The following GPR161 variants were observed in gnomAD, a reference collection of about 807,000 sequenced individuals.
GPR161 encodes G-protein coupled receptor RE2.
In GPR161, 25 loss-of-function variants were observed where a neutral mutation model predicts 39.2. The ratio of observed to expected loss-of-function variants is 0.64; its 90% CI spans 0.47 to 0.89. The LOEUF is 0.89. Among genes scored for constraint, GPR161 ranks in the 40% least tolerant of loss-of-function variants. GPR161 has a pLI of 0.00. For missense variants in GPR161, 547 were observed against 677.8 expected, an observed-to-expected ratio of 0.81 and a Z score of 2.14; for synonymous variants, 286 against 276.6, an observed-to-expected ratio of 1.03 and a Z score of -0.34.
chr1:168,108,376 C>A (rs571007914), intron 1 of GPR161, among the ~76,000 whole-genome samples: 1 of 151,198 alleles, frequency 6.6e-6, no homozygotes, highest in Non-Finnish European at 1.5e-5. Context: ...CAAACCATTG[C>A]ACACCCTTGG....
chr1:168,099,475 C>T (rs948975931), intron 2 of GPR161, among the ~76,000 whole-genome samples: 5 of 152,118 alleles, frequency 3.3e-5, no homozygotes, highest in African/African-American at 7.2e-5. Flanking sequence ...CTCCTTCCAC[C>T]GACTCTGTTT....
intron 1 of GPR161, among the ~76,000 whole-genome samples, chr1:168,111,004 A>C (rs1202726222): frequency 6.6e-6 from 1 of 152,228 alleles, no homozygotes; most frequent in Non-Finnish European, 1.5e-5. Flanking sequence ...GATTTAGCTA[A>C]AAAGAAAGAT....
chr1:168,096,968 G>A lies in GPR161; in HGVS notation c.639C>T (p.Arg213=), dbSNP rs759899756. ...CCTTGCGTGCCTTGACCCTGGCCAC[G>A]CGGAAGATGAAGCCATAGCACACCA... ...VMLVCYGFIF[R]VARVKARKVH... Residue 213 remains arginine, a synonymous_variant, in exon 3 of 6, where the codon CGC becomes CGT. Transcript: ENST00000682931. The A allele has an allele frequency of 6.2e-6, 10 of 1,614,132 alleles. No individual in the cohort carries two copies. The highest frequency in any genetic ancestry group is 1.7e-5 in the Admixed American group (1 of 60,020).
Position 168,136,864 on chromosome 1 carries a change from G to A in GPR161, c.-170C>T, listed in dbSNP as rs939575851. On this transcript the variant is annotated 5_prime_UTR_variant, in exon 1 of 6. Transcript: ENST00000682931. The stretch of plus-strand genomic sequence containing the variant: ...TGGAGGTTTCGGGTTTCAGCCCACC[G>A]AGCCCCGCTTCGCTCCTCCCGCGGG... 1.3e-5 allele frequency: 13 copies of A among 981,284 alleles called. No individual in the cohort carries two copies. The highest frequency in any genetic ancestry group is 1.8e-5 in the African/African-American group (1 of 56,480). The allele number at this position is 981,284 out of a possible 1,614,324, so 60.8% of individuals were successfully genotyped here. A position where few individuals can be genotyped will look rare whatever the true frequency, so the allele number is the denominator to read the frequency against.
chr1:168,119,286 A>ATG (rs1318018760), intron 1 of GPR161, among the ~76,000 whole-genome samples: 6 of 140,770 alleles, frequency 4.3e-5, no homozygotes, highest in African/African-American at 1.7e-4. Context: ...ATATATATAT[A>ATG]TACACATATA....
At chr1:168,134,928 C>A in intron 1 of GPR161, 1 of 1,535,686 alleles carries the variant, frequency 6.5e-7, no homozygotes, top group South Asian at 1.2e-5. Flanking sequence ...ACATTTAGGT[C>A]AGTTCCAGTT....
chr1:168,099,476 G>A (rs1291296147), intron 2 of GPR161, among the ~76,000 whole-genome samples: 2 of 152,176 alleles, frequency 1.3e-5, no homozygotes, highest in Admixed American at 6.5e-5. Context: ...TCCTTCCACC[G>A]ACTCTGTTTG....
chr1:168,118,417 T>C (rs1202204688), intron 1 of GPR161, among the ~76,000 whole-genome samples: 2 of 150,026 alleles, frequency 1.3e-5, no homozygotes, highest in Non-Finnish European at 2.9e-5. Context: ...ACACAGAGTA[T>C]AGAAGTGGTG....
intron 1 of GPR161, among the ~76,000 whole-genome samples, chr1:168,119,203 T>TACAC (rs1553269050): frequency 9.7e-6 from 1 of 103,534 alleles, no homozygotes; most frequent in Non-Finnish European, 1.9e-5. Context: ...ATCATATATA[T>TACAC]ATATATGTAT....
intron 1 of GPR161, among the ~76,000 whole-genome samples, chr1:168,130,790 T>C (rs1324659469): frequency 1.3e-5 from 2 of 152,158 alleles, no homozygotes; most frequent in Admixed American, 6.5e-5. Flanking sequence ...AGATAGAACA[T>C]GTACAAAATG....
At chr1:168,132,918 T>G (rs986198533) in intron 1 of GPR161, among the ~76,000 whole-genome samples, 2 of 152,066 alleles carry the variant, frequency 1.3e-5, no homozygotes, top group African/African-American at 4.8e-5. Context: ...CTAATTTTTG[T>G]ATTTTTAGTA....
intron 1 of GPR161, among the ~76,000 whole-genome samples, chr1:168,113,259 G>A (rs1697368516): frequency 1.3e-5 from 2 of 152,056 alleles, no homozygotes; most frequent in African/African-American, 4.8e-5. Flanking sequence ...ACTACATCTT[G>A]CCCTGGCCAA....
chr1:168,135,404 G>A (rs1320694691), intron 1 of GPR161, among the ~76,000 whole-genome samples: 2 of 152,188 alleles, frequency 1.3e-5, no homozygotes, highest in African/African-American at 4.8e-5. Context: ...AAAATAAGAC[G>A]GGTGTGGAGG....
intron 1 of GPR161, among the ~76,000 whole-genome samples, chr1:168,114,015 T>C (rs1697428524): frequency 6.6e-6 from 1 of 152,094 alleles, no homozygotes; most frequent in Admixed American, 6.5e-5. Flanking sequence ...AATACTAGGG[T>C]ATTGAGACAG....
In GPR161 at chr1:168,080,350, CTTGGAGT is replaced by C. The variant is rs1199702487; in HGVS notation, c.*5174_*5180del. 1.3e-5 allele frequency: 2 copies of C among 152,468 alleles called. No homozygotes were observed. The highest frequency in any genetic ancestry group is 3.8e-4 in the East Asian group (2 of 5,196). The allele number at this position is 152,468 out of a possible 1,614,324, so 9.4% of individuals were successfully genotyped here. ...GCTTTTCTCATCCCCTTGGCCAAGA[CTTGGAGT>C]TTGGCTTTGACTCTGGCTTAACTTA... is the stretch of plus-strand genomic sequence containing the variant. On this transcript the variant is annotated 3_prime_UTR_variant, in exon 6 of 6. Coordinates refer to ENST00000682931, the MANE Select transcript of GPR161 (RefSeq NM_001375883.1).
intron 1 of GPR161, among the ~76,000 whole-genome samples, chr1:168,114,715 T>G (rs1026390507): frequency 6.6e-6 from 1 of 152,240 alleles, no homozygotes; most frequent in Non-Finnish European, 1.5e-5. Context: ...TTGTGAGCAC[T>G]GAGTTCATTT....
At position 168,085,531 on chromosome 1, in the gene GPR161, T is replaced by A; in HGVS notation, c.1590A>T (p.Ter530CysextTer70). ...GCAGCCCCACGGCACCCTGAGGCCC[T>A]CATCTCTGCTCGGCAGCTAAAACAT... ...EGDVLAAEQR[*>C] Residue 530 changes from the stop codon to cysteine (C), a stop_lost, in exon 6 of 6, where the codon TGA (stop) becomes TGT (cysteine). Transcript: ENST00000682931. 1 of 1,608,384 alleles carries A rather than the reference T, an allele frequency of 6.2e-7. No homozygotes were observed. Among genetic ancestry groups the A allele is most frequent in the Non-Finnish European group, 8.5e-7 (1 of 1,175,772 alleles).
At chr1:168,135,055 G>A (rs1479004926) in intron 1 of GPR161, 5 of 1,499,686 alleles carry the variant, frequency 3.3e-6, no homozygotes, top group Middle Eastern at 1.7e-4. Context: ...CAAAGAGAAC[G>A]GTTCGGATAT....
intron 4 of GPR161, chr1:168,087,976 C>G: frequency 6.0e-6 from 2 of 331,922 alleles, no homozygotes. Context: ...ATGACCAGAC[C>G]CCAGAAGCAT....
Sources: gnomAD v4.1 joint callset for allele counts (sites outside exome capture counted in the v4.1 genomes callset) on GRCh38, gnomAD v4.1.1 for gene constraint, MANE v1.5 for transcripts, NCBI Gene and HGNC (gene_info 2026-07-23, HGNC 2026-07-21) for gene names.